The following SLC29A1 variants were observed in gnomAD, a reference collection of about 807,000 sequenced individuals.
SLC29A1 encodes the protein solute carrier family 29 member 1 (Augustine blood group), also known as equilibrative nucleoside transporter 1.
Under a neutral mutation model 48.3 loss-of-function variants are expected in SLC29A1, and 22 were observed. That is an observed-to-expected ratio of 0.46 (90% CI 0.33 to 0.65). The LOEUF is 0.65. SLC29A1 is among the 30% of genes least tolerant of loss of function. The pLI is 0.03. For synonymous variants in SLC29A1, 228 were observed against 231.0 expected (o/e 0.99, Z 0.12); for missense variants, 491 against 575.3 (o/e 0.85, Z 1.50).
At chr6:44,226,473 G>A (rs537155157) in intron 1 of SLC29A1, among the ~76,000 whole-genome samples, 1 of 151,910 alleles carries the variant, frequency 6.6e-6, no homozygotes, top group South Asian at 2.1e-4. Flanking sequence ...GGAACTAAGG[G>A]AGGACTAGGT....
In SLC29A1 at chr6:44,223,884, C is replaced by T; in HGVS notation, c.-52+243C>T. 1.0e-6 allele frequency: 1 copy of T among 996,536 alleles called. No individual in the cohort carries two copies. The highest frequency in any genetic ancestry group is 4.2e-5 in the South Asian group (1 of 23,562). 61.7% of individuals were successfully genotyped at this position (996,536 alleles called of 1,614,324 possible). ...TGGGCGGGGCGGCCTGGCTCCCGGG[C>T]CTAAAACAGGCTGCGGTCACGTTGA... On this transcript the variant is annotated intron_variant, in intron 1 of 12. Coordinates refer to ENST00000371755, the MANE Select transcript of SLC29A1 (RefSeq NM_001372327.1). This position sits in a 1 kb window ranked among gnomAD's most constrained non-coding sequence, Gnocchi z 5.0.
chr6:44,219,911 G>C (rs1044782345), upstream of SLC29A1: 4 of 545,322 alleles, frequency 7.3e-6, no homozygotes, highest in African/African-American at 6.3e-5. Context: ...TGTCTCAGGG[G>C]AGTCAGAATC....
At position 44,229,996 on chromosome 6, in the gene SLC29A1, A is replaced by G. The variant is rs753545552; in HGVS notation, c.404A>G (p.Asp135Gly). ...ITAILVKVQL[D>G]ALPFFVITMI... Reference sequence around the variant, plus strand: ...GCCATCCTGGTGAAGGTGCAGCTGGATGCTCTGCCCTTCTTTGTCATCACC... The same window carrying G: ...GCCATCCTGGTGAAGGTGCAGCTGGGTGCTCTGCCCTTCTTTGTCATCACC... The change falls in exon 5 of 13, where the codon GAT becomes GGT. Residue 135 changes from aspartate to glycine, a missense_variant. Physicochemically the swap from Asp to Gly is moderately conservative, Grantham distance 94. Transcript: ENST00000371755. This position sits in a 1 kb window ranked among gnomAD's most constrained non-coding sequence, Gnocchi z 5.1. The G allele has an allele frequency of 6.2e-7, 1 of 1,612,110 alleles. No individual in the cohort carries two copies. The highest frequency in any genetic ancestry group is 8.5e-7 in the Non-Finnish European group (1 of 1,180,010).
In SLC29A1 at chr6:44,233,450, A is replaced by G; in HGVS notation, c.1293A>G (p.Gly431=). Residue 431 remains glycine (G), a synonymous_variant, in exon 13 of 13, where the codon GGA becomes GGG. Transcript: ENST00000371755. The stretch of plus-strand genomic sequence containing the variant: ...AGCCAGCTGAGGCAGAGACCGCAGG[A>G]GCCATCATGGCCTTCTTCCTGTGTC... The part of the protein sequence containing the change: ...KVKPAEAETA[G]AIMAFFLCLG... The G allele has an allele frequency of 1.2e-6, 2 of 1,614,036 alleles. No individual in the cohort carries two copies. The highest frequency in any genetic ancestry group is 1.7e-6 in the Non-Finnish European group (2 of 1,179,982).
upstream of SLC29A1, among the ~76,000 whole-genome samples, chr6:44,222,335 G>A (rs901399424): frequency 6.6e-6 from 1 of 152,050 alleles, no homozygotes; most frequent in East Asian, 1.9e-4. Flanking sequence ...AGAAGGCTGG[G>A]GACACCCATT....
chr6:44,226,961 A>T, intron 1 of SLC29A1: 1 of 1,121,752 alleles, frequency 8.9e-7, no homozygotes, highest in Non-Finnish European at 1.1e-6. Context: ...CCTGCTCTCC[A>T]CCCTCCTGTT....
intron 1 of SLC29A1, chr6:44,226,885 C>G: frequency 9.5e-7 from 1 of 1,058,074 alleles, no homozygotes; most frequent in Non-Finnish European, 1.1e-6. Flanking sequence ...TGACCCCTCT[C>G]GTCCTCTTGC....
At chr6:44,225,194 C>T (rs1471371371) in intron 1 of SLC29A1, among the ~76,000 whole-genome samples, 2 of 151,948 alleles carry the variant, frequency 1.3e-5, no homozygotes, top group East Asian at 1.9e-4. Context: ...AGGAAGAGTC[C>T]CTACTACCTA....
In SLC29A1 at chr6:44,233,663, C is replaced by A; in HGVS notation, c.*135C>A. The A allele has an allele frequency of 1.4e-6, 1 of 697,960 alleles. No homozygotes were observed. The highest frequency in any genetic ancestry group is 2.5e-6 in the Non-Finnish European group (1 of 398,708). 43.2% of individuals were successfully genotyped at this position (697,960 alleles called of 1,614,324 possible). A position where few individuals can be genotyped will look rare whatever the true frequency, so the allele number is the denominator to read the frequency against. The stretch of plus-strand genomic sequence containing the variant: ...TCTGCTTTCCACGGCGTGTGCTGGG[C>A]CCGGATCTCCAGGCCCTGGGGAGGG... On this transcript the variant is annotated 3_prime_UTR_variant, in exon 13 of 13. Coordinates refer to ENST00000371755, the MANE Select transcript of SLC29A1 (RefSeq NM_001372327.1).
chr6:44,233,276 G>C (rs554613283), intron 12 of SLC29A1, 141 bp from the exon 13 acceptor site: 1 of 798,334 alleles, frequency 1.3e-6, no homozygotes, highest in Non-Finnish European at 2.1e-6. Context: ...AGCCAGGTTG[G>C]GGTTAGGCAG....
In SLC29A1 at chr6:44,230,558, A is replaced by G; in HGVS notation, c.590-10A>G. On this transcript the variant is annotated splice_polypyrimidine_tract_variant and intron_variant, in intron 6 of 12. Transcript: ENST00000371755. ...ATGGGGCCTGTCTCTGATCACTGAC[A>G]CCACCCCAGGTGGCTCGGAGCTATC... is the stretch of plus-strand genomic sequence containing the variant. The G allele has an allele frequency of 6.2e-7, 1 of 1,613,876 alleles. No homozygotes were observed. The highest frequency in any genetic ancestry group is 8.5e-7 in the Non-Finnish European group (1 of 1,179,848).
At position 44,230,574 on chromosome 6, in the gene SLC29A1, C is replaced by T. The variant is rs184073743; in HGVS notation, c.596C>T (p.Ser199Leu). ...VAMICAIASG[S>L]ELSESAFGYF... ...ATCACTGACACCACCCCAGGTGGCTCGGAGCTATCAGAAAGTGCCTTCGGC... is the reference window on the plus strand; with the variant it reads ...ATCACTGACACCACCCCAGGTGGCTTGGAGCTATCAGAAAGTGCCTTCGGC... The change falls in exon 7 of 13, where the codon TCG (serine) becomes TTG (leucine). Residue 199 changes from serine to leucine, a missense_variant. Physicochemically the swap from Ser to Leu is moderately radical, Grantham distance 145. Coordinates refer to ENST00000371755, the MANE Select transcript of SLC29A1 (RefSeq NM_001372327.1). 5.6e-5 allele frequency: 91 copies of T among 1,614,072 alleles called. No individual in the cohort carries two copies. The highest frequency in any genetic ancestry group is 1.6e-4 in the Middle Eastern group (1 of 6,062).
intron 1 of SLC29A1, chr6:44,226,040 TC>T: frequency 7.5e-6 from 7 of 931,364 alleles, no homozygotes; most frequent in Non-Finnish European, 9.0e-6. Flanking sequence ...GCCACCTTTT[TC>T]ATTCTGGATC....
chr6:44,232,130 G>T lies in SLC29A1; in HGVS notation c.973+24G>T. ...GGGTGAGGATGCCACAGGTTTCCAG[G>T]ATGGGAACAGACAGGATCTTGAGTT... On this transcript the variant is annotated intron_variant, in intron 10 of 12. Transcript: ENST00000371755. The surrounding 1 kb of genome is among the most constrained non-coding windows in gnomAD (Gnocchi z 4.7). 6.5e-7 allele frequency: 1 copy of T among 1,546,742 alleles called. No homozygotes were observed. The highest frequency in any genetic ancestry group is 8.9e-7 in the Non-Finnish European group (1 of 1,118,732).
upstream of SLC29A1, chr6:44,221,680 G>T: frequency 2.3e-6 from 3 of 1,287,994 alleles, no homozygotes; most frequent in Non-Finnish European, 3.0e-6. The surrounding 1 kb of genome is among the most constrained non-coding windows in gnomAD (Gnocchi z 4.2). Flanking sequence ...TCCAGGCAAG[G>T]CCTGTGTAAG....
At chr6:44,220,391 C>G (rs990310343), upstream of SLC29A1, among the ~76,000 whole-genome samples, 5 of 147,964 alleles carry the variant, frequency 3.4e-5, no homozygotes, top group Non-Finnish European at 7.4e-5. Context: ...CCTGTGTTGA[C>G]CAGGCTGGTC....
rs1776862295 is a variant in SLC29A1, at chr6:44,223,989, C to A, written c.-52+348C>A. ...CAGGGAGGGGCCGTGCCGCTGACTG[C>A]GCTGGCGGAGGGGTATGGGGATGGG... On this transcript the variant is annotated intron_variant, in intron 1 of 12. Coordinates refer to ENST00000371755, the MANE Select transcript of SLC29A1 (RefSeq NM_001372327.1). The surrounding 1 kb of genome is among the most constrained non-coding windows in gnomAD (Gnocchi z 5.0). 5.1e-6 allele frequency: 5 copies of A among 973,018 alleles called. No individual in the cohort carries two copies. Among genetic ancestry groups the A allele is most frequent in the Non-Finnish European group, 6.1e-6 (5 of 819,128 alleles). 60.3% of individuals were successfully genotyped at this position (973,018 alleles called of 1,614,324 possible). A position where few individuals can be genotyped will look rare whatever the true frequency, so the allele number is the denominator to read the frequency against.
At position 44,232,411 on chromosome 6, in the gene SLC29A1, A is replaced by C. The variant is rs1309823018; in HGVS notation, c.1042A>C (p.Thr348Pro). The C allele has an allele frequency of 3.1e-6, 5 of 1,611,002 alleles. No homozygotes were observed. The highest frequency in any genetic ancestry group is 4.2e-6 in the Non-Finnish European group (5 of 1,177,502). The change falls in exon 11 of 13, where the codon ACA becomes CCA. Residue 348 changes from threonine (T) to proline (P), a missense_variant. Physicochemically the swap from Thr to Pro is conservative, Grantham distance 38. Transcript: ENST00000371755. The surrounding 1 kb of genome is among the most constrained non-coding windows in gnomAD (Gnocchi z 4.7). ...CTTTGACTGGTTGGGCCGGAGCCTCACAGCTGTATTCATGTGGGTAAGTGG... is the reference window on the plus strand; with the variant it reads ...CTTTGACTGGTTGGGCCGGAGCCTCCCAGCTGTATTCATGTGGGTAAGTGG... ...NIFDWLGRSL[T>P]AVFMWPGKDS...
chr6:44,223,527 G>A, upstream of SLC29A1: 1 of 1,111,312 alleles, frequency 9.0e-7, no homozygotes. The surrounding 1 kb of genome is among the most constrained non-coding windows in gnomAD (Gnocchi z 5.0). Flanking sequence ...AGGTGGCAGT[G>A]GGCGCAGGGC....
Sources: gnomAD v4.1 joint callset for allele counts (sites outside exome capture counted in the v4.1 genomes callset) on GRCh38, gnomAD v4.1.1 for gene constraint, Gnocchi (gnomAD v3.1) non-coding constraint, MANE v1.5 for transcripts, NCBI Gene and HGNC (gene_info 2026-07-23, HGNC 2026-07-21) for gene names.